PRUNE2: variants seen among roughly 807,000 people sequenced by gnomAD.
PRUNE2 encodes protein prune homolog 2.
In PRUNE2, 164 loss-of-function variants were observed where a neutral mutation model predicts 252.0. The observed-to-expected ratio is 0.65, with a 90% CI of 0.57 to 0.74. The LOEUF (loss-of-function observed/expected upper bound fraction) is 0.74. PRUNE2 is among the 30% of genes least tolerant of loss of function. The probability of loss-of-function intolerance (pLI) is 0.00; values close to 1 mark genes in which losing one functional copy is unlikely to be tolerated. For missense variants in PRUNE2, 3,495 were observed against 3,711.0 expected (o/e 0.94, Z 1.51); for synonymous variants, 1,292 against 1,350.2 (o/e 0.96, Z 0.94).
At position 76,716,528 on chromosome 9, in the gene PRUNE2, C is replaced by T. The variant is rs115239291; in HGVS notation, c.757-2807G>A. Among the ~76,000 whole-genome samples the T allele has an allele frequency of 6.7e-3, 1,023 of 152,324 alleles. 11 individuals are homozygous for T. Among genetic ancestry groups the T allele is most frequent in the African/African-American group, 0.024 (982 of 41,568 alleles). On this transcript the variant is annotated intron_variant, in intron 6 of 18. Coordinates refer to ENST00000376718, the MANE Select transcript of PRUNE2 (RefSeq NM_015225.3). ...CACTGCCAGCTCTTTGTTCCTATGG[C>T]AACCTCATCATAAAAGTCCCCTTAG...
At chr9:76,680,179 A>G (rs1443480739) in intron 9 of PRUNE2, among the ~76,000 whole-genome samples, 1 of 152,220 alleles carries the variant, frequency 6.6e-6, no homozygotes, top group Non-Finnish European at 1.5e-5. Context: ...TAACCTGATT[A>G]AAAAATGGGC....
intron 4 of PRUNE2, among the ~76,000 whole-genome samples, chr9:76,830,217 A>G (rs1330739684): frequency 6.6e-6 from 1 of 152,244 alleles, no homozygotes; most frequent in Non-Finnish European, 1.5e-5. Context: ...CTTAAGAGAG[A>G]TGGAGAAATG....
chr9:76,748,526 G>A (rs551233731), intron 6 of PRUNE2: 7 of 152,204 alleles, frequency 4.6e-5, no homozygotes, highest in Non-Finnish European at 8.8e-5. Flanking sequence ...AATGGGTTTT[G>A]GGGGTAATAA....
intron 9 of PRUNE2, among the ~76,000 whole-genome samples, chr9:76,683,871 C>T (rs1214154423): frequency 6.6e-6 from 1 of 151,134 alleles, no homozygotes; most frequent in Non-Finnish European, 1.5e-5. Context: ...TACATATATA[C>T]ACATATGTAT....
At chr9:76,865,594 A>G (rs1189741178) in intron 1 of PRUNE2, among the ~76,000 whole-genome samples, 2 of 152,184 alleles carry the variant, frequency 1.3e-5, no homozygotes, top group African/African-American at 4.8e-5. Context: ...TGTCAGTGAA[A>G]ATGATAATAT....
chr9:76,629,148 C>CTAG (rs2132306652), intron 16 of PRUNE2, 44 bp downstream of exon 16: 1 of 1,248,708 alleles, frequency 8.0e-7, no homozygotes, highest in East Asian at 2.4e-5. Flanking sequence ...CAGCCTCAAA[C>CTAG]TAGTACTATT....
At chr9:76,724,718 A>C (rs555834543) in intron 6 of PRUNE2, among the ~76,000 whole-genome samples, 3 of 152,202 alleles carry the variant, frequency 2.0e-5, no homozygotes, top group African/African-American at 7.2e-5. Flanking sequence ...TCAAAGACAA[A>C]TAAGTCATCA....
At chr9:76,661,324 T>C (rs7028756) in intron 9 of PRUNE2, among the ~76,000 whole-genome samples, 143,756 of 152,262 alleles carry the variant, frequency 0.94, 68,126 homozygotes, top group Non-Finnish European at 0.99. Context: ...CTCACTGAAG[T>C]CTCCACCTCC....
chr9:76,850,874 C>T (rs749649483), intron 2 of PRUNE2, among the ~76,000 whole-genome samples: 34 of 151,956 alleles, frequency 2.2e-4, no homozygotes, highest in Non-Finnish European at 3.5e-4. Context: ...CCTCTTGTTA[C>T]CCTACTTGAA....
At chr9:76,837,066 T>G (rs1223670121) in intron 4 of PRUNE2, among the ~76,000 whole-genome samples, 1 of 152,124 alleles carries the variant, frequency 6.6e-6, no homozygotes, top group African/African-American at 2.4e-5. Flanking sequence ...TTTTTTAGAT[T>G]TAGAGAAAAA....
intron 12 of PRUNE2, among the ~76,000 whole-genome samples, chr9:76,639,159 T>C (rs562404631): frequency 6.6e-6 from 1 of 152,310 alleles, no homozygotes; most frequent in East Asian, 1.9e-4. Context: ...AACATCTTAC[T>C]AAACTGCTTT....
intron 9 of PRUNE2, among the ~76,000 whole-genome samples, chr9:76,686,339 AC>A (rs1462978549): frequency 2.0e-5 from 3 of 152,210 alleles, no homozygotes; most frequent in African/African-American, 7.2e-5. Context: ...ACAGCTCAAT[AC>A]CAGCTATATA....
chr9:76,717,948 G>A (rs1461683298), intron 6 of PRUNE2, among the ~76,000 whole-genome samples: 3 of 152,262 alleles, frequency 2.0e-5, no homozygotes, highest in Non-Finnish European at 4.4e-5. Flanking sequence ...GGGAAAGCCT[G>A]GAAACGTGGG....
chr9:76,901,756 G>A (rs1362623857), intron 1 of PRUNE2, among the ~76,000 whole-genome samples: 3 of 152,148 alleles, frequency 2.0e-5, no homozygotes, highest in African/African-American at 7.2e-5. Flanking sequence ...TTTTTCTTCT[G>A]TAGAAGTCCA....
intron 6 of PRUNE2, chr9:76,739,321 T>C (rs2049361327): frequency 1.3e-5 from 2 of 152,252 alleles, no homozygotes. Flanking sequence ...TGTGGCTCGA[T>C]GTGAAAAGTG....
chr9:76,707,017 A>T lies in PRUNE2; in HGVS notation c.5257T>A (p.Ser1753Thr), dbSNP rs770491052. ...TGTTGATTGTCACAGAATGGGTTTGACTTATTCTCATTCTCTGCTGGCTCT... is the reference window on the plus strand; with the variant it reads ...TGTTGATTGTCACAGAATGGGTTTGTCTTATTCTCATTCTCTGCTGGCTCT... Reference protein sequence around the residue: ...SSEPAENENKSNPFCDNQQSS... With the variant: ...SSEPAENENKTNPFCDNQQSS... Residue 1753 changes from serine to threonine, a missense_variant, in exon 8 of 19, where the codon TCA becomes ACA. By Grantham distance (58) the Ser-to-Thr change is moderately conservative. Transcript: ENST00000376718. 3 of 1,613,818 alleles carry T rather than the reference A, an allele frequency of 1.9e-6. No homozygotes were observed. Among genetic ancestry groups the T allele is most frequent in the Non-Finnish European group, 2.5e-6 (3 of 1,179,884 alleles).
chr9:76,798,007 G>C (rs746060606), intron 6 of PRUNE2, among the ~76,000 whole-genome samples: 9 of 152,162 alleles, frequency 5.9e-5, no homozygotes, highest in Non-Finnish European at 1.2e-4. Context: ...TAAACACATA[G>C]GATGAGAAGC....
chr9:76,713,076 CTT>C (rs77632357), intron 7 of PRUNE2, among the ~76,000 whole-genome samples: 1 of 146,218 alleles, frequency 6.8e-6, no homozygotes, highest in Non-Finnish European at 1.5e-5. Context: ...TTATCTAATT[CTT>C]TTTTTTTTTT....
chr9:76,765,329 T>G (rs1381804386), intron 6 of PRUNE2, among the ~76,000 whole-genome samples: 1 of 152,130 alleles, frequency 6.6e-6, no homozygotes, highest in Non-Finnish European at 1.5e-5. Flanking sequence ...GAGAAGGAAG[T>G]AGTCAATTGT....
Sources: allele counts gnomAD v4.1 joint callset (sites outside exome capture counted in the v4.1 genomes callset), GRCh38; gene constraint gnomAD v4.1.1; transcripts MANE v1.5; gene names NCBI Gene and HGNC (gene_info 2026-07-23, HGNC 2026-07-21).